JADE2: variants seen among roughly 807,000 people sequenced by gnomAD.
JADE2 encodes jade family PHD finger 2, also known as E3 ubiquitin-protein ligase Jade-2.
In JADE2, 13 loss-of-function variants were observed where a neutral mutation model predicts 85.7. That is an observed-to-expected ratio of 0.15 (90% CI 0.10 to 0.24). JADE2 has a LOEUF of 0.24. Ranked by LOEUF, JADE2 falls within the 10% of genes least tolerant of loss-of-function variation. The pLI is 1.00. For missense variants in JADE2, 846 were observed against 1,115.9 expected (o/e 0.76, Z 3.45); for synonymous variants, 440 against 456.1 (o/e 0.96, Z 0.45).
chr5:134,560,236 G>C (rs1581451574), intron 5 of JADE2, among the ~76,000 whole-genome samples: 3 of 152,184 alleles, frequency 2.0e-5, no homozygotes, highest in South Asian at 4.1e-4. Flanking sequence ...ATAGTGGTAA[G>C]CATGAATGTT....
intron 9 of JADE2, among the ~76,000 whole-genome samples, chr5:134,569,736 G>C (rs1763876731): frequency 6.6e-6 from 1 of 152,162 alleles, no homozygotes; most frequent in Non-Finnish European, 1.5e-5. Context: ...GGAGGGAAAG[G>C]CTCAGAAGGA....
intron 2 of JADE2, 61 bp from the exon 3 acceptor site, chr5:134,537,928 G>A: frequency 2.4e-6 from 3 of 1,233,444 alleles, no homozygotes; most frequent in South Asian, 2.4e-5. Flanking sequence ...CTATTCTTGG[G>A]CATGAGTGGG....
rs1581504303 is a variant in JADE2 at position 134,583,190 on chromosome 5, T to A, written c.*3873T>A. The A allele has an allele frequency of 6.6e-6, 1 of 152,576 alleles. No individual in the cohort carries two copies. Among genetic ancestry groups the A allele is most frequent in the Non-Finnish European group, 1.5e-5 (1 of 68,082 alleles). The allele number at this position is 152,576 out of a possible 1,614,324, so 9.5% of individuals were successfully genotyped here. On this transcript the variant is annotated 3_prime_UTR_variant, in exon 12 of 12. Transcript: ENST00000681547. Reference sequence around the variant, plus strand: ...TAGGGAGCCCTTTGCACTCCTCGTGTGTTGGCAAACGCAGTTAATAAAGCA... The same window carrying A: ...TAGGGAGCCCTTTGCACTCCTCGTGAGTTGGCAAACGCAGTTAATAAAGCA...
Position 134,525,811 on chromosome 5 carries a change from C to G in JADE2, c.-201C>G, listed in dbSNP as rs1760770982. 2.0e-6 allele frequency: 2 copies of G among 1,013,822 alleles called. No homozygotes were observed. The highest frequency in any genetic ancestry group is 3.5e-5 in the African/African-American group (2 of 57,352). 62.8% of individuals were successfully genotyped at this position (1,013,822 alleles called of 1,614,324 possible). On this transcript the variant is annotated 5_prime_UTR_variant, in exon 1 of 12. Transcript: ENST00000681547. ...CACCGGCTTAGGTCCTGCGGGCCGACCGTCCCCGGCGGGGGGCGTGGGGCC... is the reference window on the plus strand; with the variant it reads ...CACCGGCTTAGGTCCTGCGGGCCGAGCGTCCCCGGCGGGGGGCGTGGGGCC...
At chr5:134,533,496 C>G in intron 1 of JADE2, 1 of 981,890 alleles carries the variant, frequency 1.0e-6, no homozygotes, top group Non-Finnish European at 1.2e-6. Context: ...ACAACTTCTG[C>G]TTTTAATACT....
Position 134,525,736 on chromosome 5 carries a change from G to C in JADE2, c.-276G>C. On this transcript the variant is annotated 5_prime_UTR_variant, in exon 1 of 12. Transcript: ENST00000681547. ...CCATCGCAGTTGGAGGCTATTTTTTGGGGGGGGTGAGTAGCGTCCATGGAG... is the reference window on the plus strand; with the variant it reads ...CCATCGCAGTTGGAGGCTATTTTTTCGGGGGGGTGAGTAGCGTCCATGGAG... The C allele has an allele frequency of 8.2e-7, 1 of 1,213,328 alleles. No homozygotes were observed. The allele number at this position is 1,213,328 out of a possible 1,614,324, so 75.2% of individuals were successfully genotyped here.
At chr5:134,577,651 A>G (rs1764458908) in intron 11 of JADE2, among the ~76,000 whole-genome samples, 1 of 152,106 alleles carries the variant, frequency 6.6e-6, no homozygotes, top group Non-Finnish European at 1.5e-5. Flanking sequence ...TGATCATGCC[A>G]CTGCACTCCA....
At chr5:134,531,275 G>A (rs1331125046) in intron 1 of JADE2, among the ~76,000 whole-genome samples, 1 of 152,192 alleles carries the variant, frequency 6.6e-6, no homozygotes, top group Non-Finnish European at 1.5e-5. Context: ...CTAGAAGGTG[G>A]TGAGGAAGGG....
intron 4 of JADE2, among the ~76,000 whole-genome samples, chr5:134,552,652 C>G (rs1035346616): frequency 1.3e-5 from 2 of 152,144 alleles, no homozygotes; most frequent in African/African-American, 4.8e-5. Context: ...CAAACTGGGC[C>G]CAACAGCAGT....
At position 134,566,600 on chromosome 5, in the gene JADE2, G is replaced by T. The variant is rs567783162; in HGVS notation, c.1434+20G>T. ...GAGAGGGTGAGTCCCCATGCCGCCT[G>T]CCCACCCCCTGCCTGGTGGGTCCAG... On this transcript the variant is annotated intron_variant, in intron 9 of 11. Transcript: ENST00000681547. The surrounding 1 kb of genome is among the most constrained non-coding windows in gnomAD (Gnocchi z 6.7). 78 of 1,505,996 alleles carry T rather than the reference G, an allele frequency of 5.2e-5. No individual in the cohort carries two copies. In the South Asian group the frequency reaches 9.1e-4, roughly 18 times the overall value. The allele number at this position is 1,505,996 out of a possible 1,614,324, so 93.3% of individuals were successfully genotyped here.
At chr5:134,525,516 C>T (rs1472617672), upstream of JADE2, 2 of 301,592 alleles carry the variant, frequency 6.6e-6, no homozygotes, top group South Asian at 2.7e-5. Flanking sequence ...GGGGGGGCGG[C>T]GACGGGGGTG....
At position 134,578,952 on chromosome 5, in the gene JADE2, C is replaced by A; in HGVS notation, c.2140C>A (p.Pro714Thr). 1 of 1,613,268 alleles carries A rather than the reference C, an allele frequency of 6.2e-7. No individual in the cohort carries two copies. Among genetic ancestry groups the A allele is most frequent in the African/African-American group, 1.3e-5 (1 of 75,064 alleles). The stretch of plus-strand genomic sequence containing the variant: ...CGGGGACTGTCCCATCCTAGCCACC[C>A]CTGAAAGCCCCCCGCCACTGGCCCC... ...AAGDCPILATPESPPPLAPET... is the reference protein window; with the variant it reads ...AAGDCPILATTESPPPLAPET... The change falls in exon 12 of 12, where the codon CCT (proline) becomes ACT (threonine). Residue 714 changes from proline (P) to threonine (T), a missense_variant. Physicochemically the swap from Pro to Thr is conservative, Grantham distance 38 (BLOSUM62 -1). Around this residue, in one of 9 missense-constraint regions of JADE2, gnomAD observed 300 missense variants for 300.7 expected, o/e 1.00. Transcript: ENST00000681547. The surrounding 1 kb of genome is among the most constrained non-coding windows in gnomAD (Gnocchi z 4.4).
At chr5:134,573,408 C>T (rs977545171) in intron 9 of JADE2, among the ~76,000 whole-genome samples, 5 of 152,140 alleles carry the variant, frequency 3.3e-5, no homozygotes, top group African/African-American at 7.2e-5. Context: ...CTGGCTCAGC[C>T]GGGGACCACA....
chr5:134,533,870 C>G (rs1761414982), intron 1 of JADE2, among the ~76,000 whole-genome samples: 1 of 151,900 alleles, frequency 6.6e-6, no homozygotes, highest in South Asian at 2.1e-4. Flanking sequence ...CCTCAGCCTC[C>G]TGCATAGCTA....
chr5:134,573,485 T>G (rs1026771269), intron 9 of JADE2, among the ~76,000 whole-genome samples, 160 bp from the exon 10 acceptor site: 15 of 152,140 alleles, frequency 9.9e-5, no homozygotes, highest in Non-Finnish European at 2.9e-5. Context: ...GAGGATGCGC[T>G]CAGGGTCTGG....
intron 3 of JADE2, among the ~76,000 whole-genome samples, chr5:134,539,341 G>A (rs868258009): frequency 1.3e-5 from 2 of 152,164 alleles, no homozygotes; most frequent in African/African-American, 4.8e-5. Flanking sequence ...GGGATTACAG[G>A]CATGAGCCAC....
At chr5:134,576,319 C>T (rs1764362797) in intron 10 of JADE2, among the ~76,000 whole-genome samples, 1 of 152,080 alleles carries the variant, frequency 6.6e-6, no homozygotes, top group Admixed American at 6.6e-5. Flanking sequence ...AACCAAGAGA[C>T]CATGGCAGGA....
chr5:134,532,237 G>A (rs1305827969), intron 1 of JADE2, among the ~76,000 whole-genome samples: 1 of 152,120 alleles, frequency 6.6e-6, no homozygotes, highest in African/African-American at 2.4e-5. Context: ...CCTGGACATG[G>A]GTGAATTGAT....
chr5:134,533,196 C>T (rs968788156), intron 1 of JADE2, among the ~76,000 whole-genome samples: 2 of 152,158 alleles, frequency 1.3e-5, no homozygotes, highest in Admixed American at 6.5e-5. Flanking sequence ...CAGGACTTTC[C>T]GACCTGGTCC....
Sources: gnomAD v4.1 joint callset for allele counts (sites outside exome capture counted in the v4.1 genomes callset) on GRCh38, gnomAD v4.1.1 for gene constraint, gnomAD v4.1.1 regional missense constraint, Gnocchi (gnomAD v3.1) non-coding constraint, MANE v1.5 for transcripts, NCBI Gene and HGNC (gene_info 2026-07-23, HGNC 2026-07-21) for gene names.